The following GLYATL1 variants were observed in gnomAD, a reference collection of about 807,000 sequenced individuals.
GLYATL1 encodes the protein glycine N-acyltransferase-like protein 1.
Under a neutral mutation model 20.0 loss-of-function variants are expected in GLYATL1, and 15 were observed. The ratio of observed to expected loss-of-function variants is 0.75; its 90% CI spans 0.50 to 1.15. GLYATL1 has a LOEUF of 1.15. GLYATL1 is among the 50% of genes most tolerant of loss of function. The pLI is 0.00. For synonymous variants in GLYATL1, 151 were observed against 131.5 expected (o/e 1.15, Z -1.01); for missense variants, 380 against 368.5 (o/e 1.03, Z -0.26).
intron 1 of GLYATL1, among the ~76,000 whole-genome samples, chr11:58,918,434 T>G (rs533167500): frequency 6.6e-6 from 1 of 152,314 alleles, no homozygotes; most frequent in Middle Eastern, 3.4e-3. Flanking sequence ...GGTTCCTAGG[T>G]GGGTTCCTGC....
intron 1 of GLYATL1, among the ~76,000 whole-genome samples, chr11:58,906,072 C>T (rs966116381): frequency 2.0e-4 from 31 of 152,172 alleles, no homozygotes; most frequent in African/African-American, 7.5e-4. Flanking sequence ...GAGCAGCGGG[C>T]ACTAGCACGT....
chr11:58,946,351 T>G (rs1413785267), intron 2 of GLYATL1, among the ~76,000 whole-genome samples: 1 of 152,204 alleles, frequency 6.6e-6, no homozygotes, highest in East Asian at 1.9e-4. Flanking sequence ...TTAAGCAACT[T>G]AACAAAGAAG....
upstream of GLYATL1, among the ~76,000 whole-genome samples, chr11:58,938,206 T>C (rs979540048): frequency 2.6e-5 from 4 of 152,320 alleles, no homozygotes; most frequent in Non-Finnish European, 5.9e-5. Context: ...GTGCATGTGT[T>C]CTCCATTCTG....
chr11:58,916,074 C>T (rs1387686775), intron 1 of GLYATL1, among the ~76,000 whole-genome samples: 1 of 152,160 alleles, frequency 6.6e-6, no homozygotes, highest in Admixed American at 6.5e-5. Flanking sequence ...CATACTTTCC[C>T]ACAACCTTGG....
intron 1 of GLYATL1, among the ~76,000 whole-genome samples, chr11:58,913,966 G>C (rs567409134): frequency 3.8e-4 from 58 of 152,302 alleles, no homozygotes; most frequent in African/African-American, 1.3e-3. Flanking sequence ...TAAGGAACAT[G>C]CCTGGGTTTT....
At chr11:58,922,821 T>C (rs535441449), upstream of GLYATL1, among the ~76,000 whole-genome samples, 5 of 152,218 alleles carry the variant, frequency 3.3e-5, no homozygotes, top group Middle Eastern at 3.2e-3. Context: ...TATTTAGCCA[T>C]AAATCGATAT....
downstream of GLYATL1, among the ~76,000 whole-genome samples, chr11:58,912,039 T>C (rs1196993184): frequency 1.3e-5 from 2 of 152,224 alleles, no homozygotes; most frequent in Non-Finnish European, 2.9e-5. Context: ...TGTGTGTTCA[T>C]TGTGTAAAAA....
chr11:58,935,741 T>A (rs953790737), upstream of GLYATL1: 1 of 152,046 alleles, frequency 6.6e-6, no homozygotes, highest in African/African-American at 2.4e-5. Context: ...TTAAATGATC[T>A]TATCAAACAC....
At chr11:58,924,042 C>A (rs548157046), upstream of GLYATL1, among the ~76,000 whole-genome samples, 4 of 152,140 alleles carry the variant, frequency 2.6e-5, no homozygotes, top group Admixed American at 2.6e-4. Flanking sequence ...ATGAATAACT[C>A]GTACGCTGAG....
At chr11:58,910,876 C>T (rs1462703807), downstream of GLYATL1, among the ~76,000 whole-genome samples, 1 of 152,180 alleles carries the variant, frequency 6.6e-6, no homozygotes, top group East Asian at 1.9e-4. Context: ...CAAACACCTA[C>T]AGTCATGTAA....
At position 58,955,812 on chromosome 11, in the gene GLYATL1, G is replaced by A. The variant is rs148457531; in HGVS notation, c.694G>A (p.Ala232Thr). ...TMDPSCEVGM[A>T]YSMEKYRRTG... ...GGACCCTTCTTGTGAAGTAGGAATG[G>A]CCTACAGCATGGAAAAATACCGAAG... Residue 232 changes from alanine (A) to threonine (T), a missense_variant, in exon 7 of 7, where the codon GCC becomes ACC. Transcript: ENST00000532726. 86 of 1,614,200 alleles carry A rather than the reference G, an allele frequency of 5.3e-5. No homozygotes were observed. In the African/African-American group the frequency reaches 1.0e-3, roughly 19 times the overall value.
downstream of GLYATL1, among the ~76,000 whole-genome samples, chr11:58,909,392 T>A (rs144577470): frequency 5.8e-3 from 879 of 152,276 alleles, 7 homozygotes; most frequent in Non-Finnish European, 9.1e-3. Context: ...TAAGTGTTCT[T>A]ATTACAAAAG....
In GLYATL1 at chr11:58,954,865, C is replaced by T. The variant is rs768653823; in HGVS notation, c.282C>T (p.Ile94=). The T allele has an allele frequency of 4.3e-6, 7 of 1,612,970 alleles. No individual in the cohort carries two copies. Among genetic ancestry groups the T allele is most frequent in the East Asian group, 2.2e-5 (1 of 44,872 alleles). ...AAGAAGTTTTGAAAAATTGTGAGAT[C>T]GTAAACTGGAAACAGAGACTCCAAA... ...KSEEVLKNCE[I]VNWKQRLQIQ... is the part of the protein sequence containing the mutation. Residue 94 remains isoleucine (I), a synonymous_variant, in exon 5 of 7, where the codon ATC becomes ATT. Coordinates refer to ENST00000532726, the MANE Select transcript of GLYATL1 (RefSeq NM_001389712.2).
At chr11:58,922,346 T>C (rs1282130972) in intron 1 of GLYATL1, among the ~76,000 whole-genome samples, 1 of 152,226 alleles carries the variant, frequency 6.6e-6, no homozygotes, top group Admixed American at 6.5e-5. Flanking sequence ...GGGAGTATGA[T>C]GCTACCAGTT....
At chr11:58,909,772 C>T (rs532743615), downstream of GLYATL1, among the ~76,000 whole-genome samples, 9 of 152,258 alleles carry the variant, frequency 5.9e-5, 1 homozygote, top group South Asian at 4.1e-4. Context: ...AATAAGAGCT[C>T]TCCATATTGC....
chr11:58,932,136 CAT>C (rs896301841), intron 1 of GLYATL1, among the ~76,000 whole-genome samples: 4 of 86,894 alleles, frequency 4.6e-5, no homozygotes, highest in Non-Finnish European at 9.8e-5. Flanking sequence ...AAAAAAAAGA[CAT>C]AAACATTTTA....
At chr11:58,927,071 C>T (rs933159014), upstream of GLYATL1, among the ~76,000 whole-genome samples, 2 of 152,214 alleles carry the variant, frequency 1.3e-5, no homozygotes, top group Non-Finnish European at 2.9e-5. Flanking sequence ...ATATTTTCAC[C>T]TTTTAATTGA....
chr11:58,940,256 T>C (rs541279957), intron 1 of GLYATL1, among the ~76,000 whole-genome samples: 1 of 152,226 alleles, frequency 6.6e-6, no homozygotes, highest in Non-Finnish European at 1.5e-5. Flanking sequence ...CTTTGGACTT[T>C]AAAAATTAAA....
upstream of GLYATL1, chr11:58,934,543 G>A (rs76287475): frequency 3.9e-3 from 588 of 152,446 alleles, 3 homozygotes; most frequent in Non-Finnish European, 6.8e-3. Flanking sequence ...ATATTCAGAA[G>A]TGGGCATGGA....
Sources: gnomAD v4.1 joint callset for allele counts (sites outside exome capture counted in the v4.1 genomes callset) on GRCh38, gnomAD v4.1.1 for gene constraint, MANE v1.5 for transcripts, NCBI Gene and HGNC (gene_info 2026-07-23, HGNC 2026-07-21) for gene names.